Variants in BCAS1 observed in about 807,000 individuals in gnomAD.
The protein encoded by BCAS1 is breast carcinoma-amplified sequence 1.
In BCAS1, 46 loss-of-function variants were observed where a neutral mutation model predicts 65.4. The observed-to-expected ratio is 0.70, with a 90% CI of 0.55 to 0.90. BCAS1 has a LOEUF of 0.90. BCAS1 is among the 40% of genes least tolerant of loss of function. The probability of loss-of-function intolerance (pLI) is 0.00; values close to 1 mark genes in which losing one functional copy is unlikely to be tolerated. For missense variants in BCAS1, 793 were observed against 771.2 expected (o/e 1.03, Z -0.33); for synonymous variants, 298 against 293.5 (o/e 1.02, Z -0.16).
intron 12 of BCAS1, among the ~76,000 whole-genome samples, chr20:53,946,520 TAC>T (rs1555837104): frequency 7.1e-5 from 9 of 125,876 alleles, no homozygotes; most frequent in African/African-American, 3.2e-4. Flanking sequence ...TATATATATA[TAC>T]ACACACACAT....
At chr20:54,064,307 G>A (rs956875580) in intron 1 of BCAS1, among the ~76,000 whole-genome samples, 1 of 152,210 alleles carries the variant, frequency 6.6e-6, no homozygotes, top group Non-Finnish European at 1.5e-5. Context: ...GGGTGAGTGA[G>A]TGAGTGTCTC....
At chr20:53,988,196 G>T (rs967092715) in intron 7 of BCAS1, among the ~76,000 whole-genome samples, 4 of 152,092 alleles carry the variant, frequency 2.6e-5, no homozygotes, top group Admixed American at 2.0e-4. Context: ...GGTTCCCTTT[G>T]ATGTGCATTT....
intron 4 of BCAS1, among the ~76,000 whole-genome samples, chr20:54,018,718 T>G (rs1488268147): frequency 6.6e-6 from 1 of 152,208 alleles, no homozygotes. Flanking sequence ...CTAAGTAGCT[T>G]CAAATTCTGA....
At chr20:54,022,780 G>A (rs773596022) in intron 4 of BCAS1, among the ~76,000 whole-genome samples, 4 of 152,060 alleles carry the variant, frequency 2.6e-5, no homozygotes, top group African/African-American at 4.8e-5. Flanking sequence ...TTTAAAATGG[G>A]GCTATTATTG....
At chr20:54,055,914 T>C (rs2092290533) in intron 3 of BCAS1, among the ~76,000 whole-genome samples, 1 of 152,090 alleles carries the variant, frequency 6.6e-6, no homozygotes, top group African/African-American at 2.4e-5. Context: ...TGGAGGACTT[T>C]AGGATAAGTG....
At chr20:53,985,249 G>C (rs73140338) in intron 8 of BCAS1, 38 bp downstream of exon 8, 2 of 1,592,992 alleles carry the variant, frequency 1.3e-6, no homozygotes, top group East Asian at 2.2e-5. Context: ...AGTCATCCCC[G>C]CCCGGACGAC....
intron 4 of BCAS1, among the ~76,000 whole-genome samples, chr20:54,018,187 T>A (rs2146011240): frequency 6.6e-6 from 1 of 152,308 alleles, no homozygotes; most frequent in Admixed American, 6.5e-5. Flanking sequence ...GTCTACTTTC[T>A]ATCTCAAAAC....
At chr20:54,036,011 C>G (rs749617412) in intron 3 of BCAS1, among the ~76,000 whole-genome samples, 16 of 151,272 alleles carry the variant, frequency 1.1e-4, no homozygotes, top group Non-Finnish European at 1.9e-4. Flanking sequence ...GATGAGAACA[C>G]ATGGCCACAC....
At chr20:53,991,875 A>G (rs6022899) in intron 7 of BCAS1, among the ~76,000 whole-genome samples, 6,953 of 151,824 alleles carry the variant, frequency 0.046, 200 homozygotes, top group South Asian at 0.078. Context: ...ATTACATAGT[A>G]TTCAAATAGT....
chr20:53,953,437 C>T lies in BCAS1; in HGVS notation c.1810G>A (p.Gly604Ser). 1 of 1,613,906 alleles carries T rather than the reference C, an allele frequency of 6.2e-7. No homozygotes were observed. Residue 604 changes from glycine to serine, a missense_variant, in exon 12 of 13, where the codon GGC becomes AGC. Gly to Ser is a moderately conservative substitution (Grantham distance 56, BLOSUM62 0). Transcript: ENST00000688948. ...RQQSLGGFFK[G>S]LGPKRMLDAQ... is the part of the protein sequence containing the mutation. Reference sequence around the variant, plus strand: ...GGCAAAAAAAATCCACCTACCAGGCCTTTAAAGAAGCCCCCAAGGGACTGC... The same window carrying T: ...GGCAAAAAAAATCCACCTACCAGGCTTTTAAAGAAGCCCCCAAGGGACTGC...
At chr20:53,952,246 C>T (rs994240451) in intron 12 of BCAS1, among the ~76,000 whole-genome samples, 2 of 152,226 alleles carry the variant, frequency 1.3e-5, no homozygotes, top group East Asian at 1.9e-4. Flanking sequence ...CTATCAAGCA[C>T]CTGCTGTTTA....
intron 3 of BCAS1, 67 bp from the exon 4 acceptor site, chr20:54,029,039 T>A: frequency 6.6e-7 from 1 of 1,510,332 alleles, no homozygotes; most frequent in Non-Finnish European, 8.8e-7. Context: ...AATAATGGAC[T>A]CCAGACATTT....
At chr20:53,992,068 T>C (rs1039487244) in intron 7 of BCAS1, among the ~76,000 whole-genome samples, 2 of 152,234 alleles carry the variant, frequency 1.3e-5, no homozygotes, top group Non-Finnish European at 2.9e-5. Context: ...TAGAATGTAA[T>C]GTCTTTTTAA....
chr20:54,007,801 C>T (rs1326200993), intron 4 of BCAS1, among the ~76,000 whole-genome samples: 3 of 152,158 alleles, frequency 2.0e-5, no homozygotes, highest in African/African-American at 7.2e-5. Context: ...CACACTTTCT[C>T]CTGTTCCTCT....
Position 54,001,415 on chromosome 20 carries a change from C to T in BCAS1, c.724-5365G>A, listed in dbSNP as rs148427640. ...CTTTGTAAAACTAGCAAATTAGACA[C>T]AACATTAGAAATTATGGCTCAGGAG... On this transcript the variant is annotated intron_variant, in intron 4 of 12. Coordinates refer to ENST00000688948, the MANE Select transcript of BCAS1 (RefSeq NM_001366298.2). 2.0e-5 allele frequency among the ~76,000 whole-genome samples: 3 copies of T among 152,302 alleles called. No homozygotes were observed. The East Asian group carries it at 5.8e-4, about 29-fold the overall frequency.
intron 11 of BCAS1, among the ~76,000 whole-genome samples, chr20:53,954,570 T>G (rs1210534754): frequency 6.6e-6 from 1 of 152,220 alleles, no homozygotes; most frequent in African/African-American, 2.4e-5. Flanking sequence ...TAGTTTGGAA[T>G]GTATATCGTT....
At chr20:53,966,863 T>G (rs1288910178) in intron 10 of BCAS1, 43 bp downstream of exon 10, 1 of 1,552,258 alleles carries the variant, frequency 6.4e-7, no homozygotes, top group Admixed American at 2.1e-5. Flanking sequence ...CAGAAGCCGC[T>G]CTAGGTATCT....
At chr20:54,023,533 G>C (rs774949696) in intron 4 of BCAS1, among the ~76,000 whole-genome samples, 7 of 152,220 alleles carry the variant, frequency 4.6e-5, no homozygotes, top group Non-Finnish European at 8.8e-5. Context: ...TATCTGGTTA[G>C]CTTCATGGAG....
rs80350837 is a variant in BCAS1 at position 54,045,973 on chromosome 20, G to C, written c.142+12112C>G. ...GTTGTTAGCTTGGGTGTCCTTGGAG[G>C]GGGTAGGGAAGATGTGAGATGAGGA... is the stretch of plus-strand genomic sequence containing the variant. On this transcript the variant is annotated intron_variant, in intron 3 of 12. Transcript: ENST00000688948. Among the ~76,000 whole-genome samples, 39 of 152,290 alleles carry C rather than the reference G, an allele frequency of 2.6e-4. No individual in the cohort carries two copies. The East Asian group carries it at 4.6e-3, about 18-fold the overall frequency.
Sources: gnomAD v4.1 joint callset for allele counts (sites outside exome capture counted in the v4.1 genomes callset) on GRCh38, gnomAD v4.1.1 for gene constraint, MANE v1.5 for transcripts, NCBI Gene and HGNC (gene_info 2026-07-23, HGNC 2026-07-21) for gene names.